Variants in FOXP1 observed in about 807,000 individuals in gnomAD.
FOXP1 encodes forkhead box P1, also known as forkhead box protein P1.
A neutral mutation model predicts 98.2 loss-of-function variants in FOXP1; 15 were observed. That is an observed-to-expected ratio of 0.15 (90% CI 0.10 to 0.24). FOXP1 has a LOEUF of 0.24. Ranked by LOEUF, FOXP1 falls within the 10% of genes least tolerant of loss-of-function variation. The pLI is 1.00. For synonymous variants in FOXP1, 371 were observed against 314.5 expected (o/e 1.18, Z -1.90); for missense variants, 633 against 848.5 (o/e 0.75, Z 3.15).
intron 7 of FOXP1, among the ~76,000 whole-genome samples, chr3:71,091,864 G>A (rs2055885604): frequency 6.6e-6 from 1 of 152,278 alleles, no homozygotes; most frequent in Non-Finnish European, 1.5e-5. Context: ...CAAAGTTCAA[G>A]GATCTGGCTT....
intron 4 of FOXP1, among the ~76,000 whole-genome samples, chr3:71,301,858 C>A (rs926650327): frequency 6.6e-6 from 1 of 152,118 alleles, no homozygotes; most frequent in African/African-American, 2.4e-5. Context: ...TAAGTGAACA[C>A]AGAACAAAAA....
intron 6 of FOXP1, among the ~76,000 whole-genome samples, chr3:71,179,142 T>TTTG (rs2062129116): frequency 6.7e-6 from 1 of 148,570 alleles, no homozygotes; most frequent in South Asian, 2.1e-4. Flanking sequence ...ATCTTTTTTT[T>TTTG]TTTTTTTTTT....
At chr3:70,968,037 T>C (rs2035329821) in intron 19 of FOXP1, among the ~76,000 whole-genome samples, 1 of 152,190 alleles carries the variant, frequency 6.6e-6, no homozygotes, top group Admixed American at 6.5e-5. Context: ...TGAGTATTTA[T>C]TCTCTTTGGC....
rs146442646 is a variant in FOXP1, at chr3:71,005,945, A to G, written c.975-4886T>C. On this transcript the variant is annotated intron_variant, in intron 12 of 20. Transcript: ENST00000649528. ...GGAAAAACAAGATCATTCTGGATTT[A>G]TATCTGTAAGTATGGGATTTCCTGG... Among the ~76,000 whole-genome samples, 459 of 152,246 alleles carry G rather than the reference A, an allele frequency of 3.0e-3. 3 individuals are homozygous for G. The highest frequency in any genetic ancestry group is 0.01 in the Middle Eastern group (3 of 294).
At chr3:71,301,572 G>A (rs919178019) in intron 4 of FOXP1, among the ~76,000 whole-genome samples, 1 of 152,148 alleles carries the variant, frequency 6.6e-6, no homozygotes, top group African/African-American at 2.4e-5. Flanking sequence ...TACATGCACT[G>A]TAAACTAATT....
At chr3:71,255,926 T>C (rs1377514183) in intron 5 of FOXP1, among the ~76,000 whole-genome samples, 1 of 152,030 alleles carries the variant, frequency 6.6e-6, no homozygotes, top group African/African-American at 2.4e-5. Context: ...TAAAGATTAT[T>C]AGGGAAAAAA....
intron 6 of FOXP1, among the ~76,000 whole-genome samples, chr3:71,135,608 TAAC>T (rs973069001): frequency 6.6e-6 from 1 of 152,082 alleles, no homozygotes; most frequent in African/African-American, 2.4e-5. Context: ...ACCGCCAGCT[TAAC>T]AACAGATGGC....
At chr3:71,159,620 G>T (rs2061031030) in intron 6 of FOXP1, among the ~76,000 whole-genome samples, 1 of 151,970 alleles carries the variant, frequency 6.6e-6, no homozygotes, top group Non-Finnish European at 1.5e-5. Flanking sequence ...GCCCTTACTG[G>T]GTACAGTGAG....
Position 71,112,614 on chromosome 3 carries a change from G to T in FOXP1, c.204C>A (p.Leu68=). The T allele has an allele frequency of 6.2e-7, 1 of 1,614,016 alleles. No homozygotes were observed. Among genetic ancestry groups the T allele is most frequent in the Non-Finnish European group, 8.5e-7 (1 of 1,179,920 alleles). ...QQQALQVARQ[L]LLQQQQQQQV... Reference sequence around the variant, plus strand: ...GCTGCTGCTGTTGCTGCTGAAGAAGGAGCTGTCTTGCCACCTGAAGTGCCT... The same window carrying T: ...GCTGCTGCTGTTGCTGCTGAAGAAGTAGCTGTCTTGCCACCTGAAGTGCCT... Residue 68 remains leucine (L), a synonymous_variant, in exon 7 of 21, where the codon CTC becomes CTA. Coordinates refer to ENST00000649528, the MANE Select transcript of FOXP1 (RefSeq NM_001349338.3).
rs869086663 is a variant in FOXP1 at position 71,404,120 on chromosome 3, CTTTTTTTTTTT to C, written c.-167-44887_-167-44877del. 2.1e-3 allele frequency among the ~76,000 whole-genome samples: 132 copies of C among 62,722 alleles called. 2 individuals carry two copies. Among genetic ancestry groups the C allele is most frequent in the Non-Finnish European group, 1.2e-3 (42 of 35,850 alleles). The allele number at this position is 62,722 out of a possible 152,430, so 41.1% of individuals were successfully genotyped here. On this transcript the variant is annotated intron_variant, in intron 3 of 20. Coordinates refer to ENST00000649528, the MANE Select transcript of FOXP1 (RefSeq NM_001349338.3). The stretch of plus-strand genomic sequence containing the variant: ...ATTGGGGTTTTTTTCTTTTCTTTTT[CTTTTTTTTTTT>C]TTTTTTTTTTTTTGAGATGGAGTTT...
chr3:71,098,013 T>A (rs2056622376), intron 7 of FOXP1, among the ~76,000 whole-genome samples: 1 of 152,214 alleles, frequency 6.6e-6, no homozygotes, highest in Non-Finnish European at 1.5e-5. Flanking sequence ...CATCTGTTGG[T>A]AGGCTGCATT....
intron 3 of FOXP1, among the ~76,000 whole-genome samples, chr3:71,386,383 G>A (rs563688227): frequency 1.8e-4 from 28 of 152,222 alleles, no homozygotes; most frequent in Admixed American, 7.2e-4. Context: ...TGACCATTGC[G>A]TGCCCAGGGT....
intron 5 of FOXP1, among the ~76,000 whole-genome samples, chr3:71,250,505 G>T (rs2068098180): frequency 6.6e-6 from 1 of 152,142 alleles, no homozygotes; most frequent in African/African-American, 2.4e-5. Flanking sequence ...TTTAGAGGGG[G>T]TCATAGAATT....
At chr3:71,545,903 G>A (rs1299699120) in intron 2 of FOXP1, among the ~76,000 whole-genome samples, 1 of 152,172 alleles carries the variant, frequency 6.6e-6, no homozygotes, top group Non-Finnish European at 1.5e-5. Flanking sequence ...TCCTCTACCA[G>A]TGAACCATGG....
intron 5 of FOXP1, among the ~76,000 whole-genome samples, chr3:71,263,416 T>A (rs2107210542): frequency 6.6e-6 from 1 of 152,284 alleles, no homozygotes; most frequent in South Asian, 2.1e-4. Context: ...TATCTTGAAT[T>A]TTGCTGTCTA....
chr3:71,298,724 C>T lies in FOXP1; in HGVS notation c.-12+1096G>A, dbSNP rs185143004. On this transcript the variant is annotated intron_variant, in intron 5 of 20. Coordinates refer to ENST00000649528, the MANE Select transcript of FOXP1 (RefSeq NM_001349338.3). The stretch of plus-strand genomic sequence containing the variant: ...AATTAAATGTGCCAGAATGCAACTA[C>T]AAAAACAAATCCATATCCTTTATAT... 3.4e-4 allele frequency among the ~76,000 whole-genome samples: 52 copies of T among 152,216 alleles called. 1 individual carries two copies. The highest frequency in any genetic ancestry group is 1.2e-3 in the African/African-American group (49 of 41,524).
chr3:71,076,311 T>C (rs959281125), intron 7 of FOXP1, among the ~76,000 whole-genome samples: 1 of 152,182 alleles, frequency 6.6e-6, no homozygotes, highest in African/African-American at 2.4e-5. Context: ...GAAATGGAAA[T>C]CTATTTTCTT....
intron 14 of FOXP1, among the ~76,000 whole-genome samples, chr3:70,978,662 ATATGTGTGGCC>A: frequency 6.6e-6 from 1 of 152,302 alleles, no homozygotes. Flanking sequence ...ACTCCTGCAA[ATATGTGTGGCC>A]TATTTATTAC....
chr3:71,134,190 T>C (rs543485837), intron 6 of FOXP1, among the ~76,000 whole-genome samples: 22 of 152,320 alleles, frequency 1.4e-4, no homozygotes, highest in African/African-American at 5.3e-4. Context: ...TGCTTCTACC[T>C]AGACAGACTA....
Sources: allele counts gnomAD v4.1 joint callset (sites outside exome capture counted in the v4.1 genomes callset), GRCh38; gene constraint gnomAD v4.1.1; transcripts MANE v1.5; gene names NCBI Gene and HGNC (gene_info 2026-07-23, HGNC 2026-07-21).